The following NKX2-4 variants were observed in gnomAD, a reference collection of about 807,000 sequenced individuals.
NKX2-4 encodes the protein NK2 homeobox 4, also known as homeobox protein Nkx-2.4.
Under a neutral mutation model 8.6 loss-of-function variants are expected in NKX2-4, and 6 were observed. The observed-to-expected ratio is 0.70, with a 90% CI of 0.38 to 1.38. The LOEUF is 1.38. Ranked by LOEUF, NKX2-4 falls within the 40% of genes most tolerant of loss-of-function variation. NKX2-4 has a pLI of 0.02. For synonymous variants in NKX2-4, 299 were observed against 272.6 expected, an observed-to-expected ratio of 1.10 and a Z score of -0.95; for missense variants, 601 against 548.4, an observed-to-expected ratio of 1.10 and a Z score of -0.96.
chr20:21,396,187 G>A lies in NKX2-4; in HGVS notation c.789C>T (p.Gly263=), dbSNP rs1451738409. The A allele has an allele frequency of 2.0e-6, 3 of 1,528,860 alleles. No individual in the cohort carries two copies. Among genetic ancestry groups the A allele is most frequent in the Non-Finnish European group, 2.6e-6 (3 of 1,141,410 alleles). 94.7% of individuals were successfully genotyped at this position (1,528,860 alleles called of 1,614,324 possible). A position where few individuals can be genotyped will look rare whatever the true frequency, so the allele number is the denominator to read the frequency against. ...GGGACGGCGGCGGAGGCGGCGGCGG[G>A]CCCAGGCCGCCCTCCTGCTGCAGCT... The part of the protein sequence containing the change: ...AQQLQQEGGL[G]PPPPPPPSPR... The change falls in exon 2 of 2, where the codon GGC becomes GGT. Residue 263 remains glycine, a synonymous_variant. Transcript: ENST00000351817.
At chr20:21,396,581 G>A (rs879444172) in intron 1 of NKX2-4, 48 bp from the exon 2 acceptor site, 31 of 1,341,854 alleles carry the variant, frequency 2.3e-5, no homozygotes, top group African/African-American at 1.7e-4. Flanking sequence ...CAGGCCCGCC[G>A]GGAGCCGGTC....
rs1280888616 is a variant in NKX2-4, at chr20:21,396,180, G to C, written c.796C>G (p.Pro266Ala). ...LQQEGGLGPP[P>A]PPPPSPRRVA... is the part of the protein sequence containing the mutation. ...CGGCGCGGGGACGGCGGCGGAGGCG[G>C]CGGCGGGCCCAGGCCGCCCTCCTGC... is the stretch of plus-strand genomic sequence containing the variant. Residue 266 changes from proline (P) to alanine (A), a missense_variant, in exon 2 of 2, where the codon CCG (proline) becomes GCG (alanine). Coordinates refer to ENST00000351817, the MANE Select transcript of NKX2-4 (RefSeq NM_033176.2). The C allele has an allele frequency of 2.1e-5, 31 of 1,506,064 alleles. No homozygotes were observed. Among genetic ancestry groups the C allele is most frequent in the Non-Finnish European group, 2.7e-5 (31 of 1,131,904 alleles). 93.3% of individuals were successfully genotyped at this position (1,506,064 alleles called of 1,614,324 possible). A position where few individuals can be genotyped will look rare whatever the true frequency, so the allele number is the denominator to read the frequency against.
Position 21,397,363 on chromosome 20 carries a change from C to T in NKX2-4, c.37G>A (p.Val13Met). 2 of 1,447,188 alleles carry T rather than the reference C, an allele frequency of 1.4e-6. No homozygotes were observed. Among genetic ancestry groups the T allele is most frequent in the African/African-American group, 1.5e-5 (1 of 68,426 alleles). The allele number at this position is 1,447,188 out of a possible 1,614,324, so 89.6% of individuals were successfully genotyped here. A position where few individuals can be genotyped will look rare whatever the true frequency, so the allele number is the denominator to read the frequency against. Residue 13 changes from valine (V) to methionine (M), a missense_variant, in exon 1 of 2, where the codon GTG (valine) becomes ATG (methionine). By Grantham distance (21) the Val-to-Met change is conservative (BLOSUM62 1). Transcript: ENST00000351817. ...LSPKHTTPFS[V>M]SDILSPIEET... ...TCGATGGGGCTCAGGATGTCGGACA[C>T]GGAGAAGGGCGTCGTGTGCTTTGGG...
rs1273865024 is a variant in NKX2-4, at chr20:21,397,039, G to A, written c.361C>T (p.Leu121=). The A allele has an allele frequency of 2.8e-6, 4 of 1,449,064 alleles. No individual in the cohort carries two copies. Among genetic ancestry groups the A allele is most frequent in the Admixed American group, 4.8e-5 (2 of 41,854 alleles). 89.8% of individuals were successfully genotyped at this position (1,449,064 alleles called of 1,614,324 possible). Residue 121 remains leucine (L), a synonymous_variant, in exon 1 of 2, where the codon CTG becomes TTG. Coordinates refer to ENST00000351817, the MANE Select transcript of NKX2-4 (RefSeq NM_033176.2). ...CGCATGCCGTCCGTGTAGGCGGGCA[G>A]CTCGCCCATGTTGCCCAGGCCGCCG... ...CNGGLGNMGE[L]PAYTDGMRGG...
In NKX2-4 at chr20:21,397,130, GGCCGCCGCCGCCGCAGCTGCTGCC is replaced by G. The variant is rs773781746; in HGVS notation, c.246_269del (p.Ala84_Ala91del). ...CGCCGGGCGGCATGTGGTAGGTGGC[GGCCGCCGCCGCCGCAGCTGCTGCC>G]GCCGCCGCCGCGGCCGCCGCGTTGT... On this transcript the variant is annotated inframe_deletion, in exon 1 of 2. Transcript: ENST00000351817. 16 of 1,283,550 alleles carry G rather than the reference GGCCGCCGCCGCCGCAGCTGCTGCC, an allele frequency of 1.2e-5. No homozygotes were observed. Among genetic ancestry groups the G allele is most frequent in the Admixed American group, 4.2e-5 (1 of 23,758 alleles). The allele number at this position is 1,283,550 out of a possible 1,614,324, so 79.5% of individuals were successfully genotyped here. A position where few individuals can be genotyped will look rare whatever the true frequency, so the allele number is the denominator to read the frequency against.
Position 21,397,142 on chromosome 20 carries a change from C to A in NKX2-4, c.258G>T (p.Ala86=). 1 of 1,274,042 alleles carries A rather than the reference C, an allele frequency of 7.8e-7. No individual in the cohort carries two copies. The highest frequency in any genetic ancestry group is 9.8e-7 in the Non-Finnish European group (1 of 1,016,830). The allele number at this position is 1,274,042 out of a possible 1,614,324, so 78.9% of individuals were successfully genotyped here. A position where few individuals can be genotyped will look rare whatever the true frequency, so the allele number is the denominator to read the frequency against. The stretch of plus-strand genomic sequence containing the variant: ...TGTGGTAGGTGGCGGCCGCCGCCGC[C>A]GCAGCTGCTGCCGCCGCCGCCGCGG... ...AAAAAAAAAA[A]AAAAATYHMP... Residue 86 remains alanine (A), a synonymous_variant, in exon 1 of 2, where the codon GCG becomes GCT. Coordinates refer to ENST00000351817, the MANE Select transcript of NKX2-4 (RefSeq NM_033176.2).
At position 21,396,286 on chromosome 20, in the gene NKX2-4, G is replaced by A. The variant is rs1389832392; in HGVS notation, c.690C>T (p.Pro230=). 1 of 1,605,940 alleles carries A rather than the reference G, an allele frequency of 6.2e-7. No homozygotes were observed. Among genetic ancestry groups the A allele is most frequent in the Non-Finnish European group, 8.5e-7 (1 of 1,177,266 alleles). ...EHLASMIHLT[P]TQVKIWFQNH... is the part of the protein sequence containing the mutation. ...TCTGGAACCAGATCTTGACCTGCGT[G>A]GGCGTCAGGTGGATCATGCTGGCCA... The change falls in exon 2 of 2, where the codon CCC becomes CCT. Residue 230 remains proline, a synonymous_variant. Coordinates refer to ENST00000351817, the MANE Select transcript of NKX2-4 (RefSeq NM_033176.2).
chr20:21,395,790 T>G lies in NKX2-4; in HGVS notation c.*121A>C. On this transcript the variant is annotated 3_prime_UTR_variant, in exon 2 of 2. Transcript: ENST00000351817. Reference sequence around the variant, plus strand: ...ACAGCCTGCTCCTCTCTGAGACCGGTTCGTTTTGAATCGCAGTTTACACGC... The same window carrying G: ...ACAGCCTGCTCCTCTCTGAGACCGGGTCGTTTTGAATCGCAGTTTACACGC... The G allele has an allele frequency of 2.5e-5, 20 of 803,916 alleles. No homozygotes were observed. The highest frequency in any genetic ancestry group is 9.8e-5 in the South Asian group (2 of 20,324). 49.8% of individuals were successfully genotyped at this position (803,916 alleles called of 1,614,324 possible). A position where few individuals can be genotyped will look rare whatever the true frequency, so the allele number is the denominator to read the frequency against.
rs753099139 is a variant in NKX2-4, at chr20:21,396,331, C to T, written c.645G>A (p.Ser215=). The change falls in exon 2 of 2, where the codon TCG becomes TCA. Residue 215 remains serine, a synonymous_variant. Transcript: ENST00000351817. ...TGGCCAGGTGCTCGCGCTCGGGCGC[C>T]GACAGGTACTTCTGCTGCTTGAAGC... ...ERRFKQQKYL[S]APEREHLASM... is the part of the protein sequence containing the mutation. 7 of 1,603,204 alleles carry T rather than the reference C, an allele frequency of 4.4e-6. No homozygotes were observed. The African/African-American group carries it at 6.8e-5, about 16-fold the overall frequency.
At position 21,395,950 on chromosome 20, in the gene NKX2-4, G is replaced by C. The variant is rs1284592688; in HGVS notation, c.1026C>G (p.Gly342=). The C allele has an allele frequency of 7.5e-7, 1 of 1,334,278 alleles. No homozygotes were observed. Among genetic ancestry groups the C allele is most frequent in the Non-Finnish European group, 9.6e-7 (1 of 1,040,974 alleles). 82.7% of individuals were successfully genotyped at this position (1,334,278 alleles called of 1,614,324 possible). The change falls in exon 2 of 2, where the codon GGC becomes GGG. Residue 342 remains glycine, a synonymous_variant. Coordinates refer to ENST00000351817, the MANE Select transcript of NKX2-4 (RefSeq NM_033176.2). The part of the protein sequence containing the change: ...LDAAAGEYSG[G]VLGANLLYGR... ...CATAGAGCAGGTTGGCGCCCAGGAC[G>C]CCGCCGCTGTACTCCCCGGCGGCCG... is the stretch of plus-strand genomic sequence containing the variant.
rs200359338 is a variant in NKX2-4 at position 21,397,405 on chromosome 20, G to T, written c.-6C>A. The T allele has an allele frequency of 3.7e-4, 507 of 1,378,612 alleles. 1 individual carries two copies. The African/African-American group carries it at 6.9e-3, about 19-fold the overall frequency. 85.4% of individuals were successfully genotyped at this position (1,378,612 alleles called of 1,614,324 possible). ...TGCTTTGGGCTCAACGACATGGCTC[G>T]GCGGGCAGCCAGGTAGGGGGGCCTG... On this transcript the variant is annotated 5_prime_UTR_variant, in exon 1 of 2. Transcript: ENST00000351817.
chr20:21,395,928 A>T lies in NKX2-4; in HGVS notation c.1048T>A (p.Tyr350Asn). The change falls in exon 2 of 2, where the codon TAT (tyrosine) becomes AAT (asparagine). Residue 350 changes from tyrosine (Y) to asparagine (N), a missense_variant. Transcript: ENST00000351817. ...CCTCGCTGTCACCACGTCCTGCCAT[A>T]GAGCAGGTTGGCGCCCAGGACGCCG... ...SGGVLGANLL[Y>N]GRTW 1.5e-6 allele frequency: 2 copies of T among 1,337,352 alleles called. No individual in the cohort carries two copies. Among genetic ancestry groups the T allele is most frequent in the Non-Finnish European group, 1.9e-6 (2 of 1,042,084 alleles). 82.8% of individuals were successfully genotyped at this position (1,337,352 alleles called of 1,614,324 possible).
rs562281925 is a variant in NKX2-4 at position 21,397,483 on chromosome 20, G to C, written c.-84C>G. On this transcript the variant is annotated 5_prime_UTR_variant, in exon 1 of 2. Transcript: ENST00000351817. The stretch of plus-strand genomic sequence containing the variant: ...CGCTCGTCGCCGCCACCTCGGCCGC[G>C]GCAGCTGAGCCTGTGACGAGGAGTC... 9.0e-6 allele frequency: 11 copies of C among 1,225,110 alleles called. No homozygotes were observed. In the Admixed American group the frequency reaches 2.2e-4, roughly 25 times the overall value. 75.9% of individuals were successfully genotyped at this position (1,225,110 alleles called of 1,614,324 possible).
In NKX2-4 at chr20:21,395,731, G is replaced by C; in HGVS notation, c.*180C>G. 4.7e-6 allele frequency: 2 copies of C among 427,834 alleles called. No homozygotes were observed. The highest frequency in any genetic ancestry group is 7.8e-6 in the Non-Finnish European group (2 of 256,686). The allele number at this position is 427,834 out of a possible 1,614,324, so 26.5% of individuals were successfully genotyped here. ...TAATGTTACACTACTCGGTTTCCGG[G>C]CTGTCGCTGTCCCCCGCCCCCAGCA... On this transcript the variant is annotated 3_prime_UTR_variant, in exon 2 of 2. Coordinates refer to ENST00000351817, the MANE Select transcript of NKX2-4 (RefSeq NM_033176.2).
chr20:21,396,891 C>T, intron 1 of NKX2-4, 67 bp downstream of exon 1: 1 of 1,264,968 alleles, frequency 7.9e-7, no homozygotes, highest in Non-Finnish European at 1.0e-6. Context: ...CCCGCGCCCC[C>T]GCGCCCCTCG....
In NKX2-4 at chr20:21,395,920, C is replaced by A. The variant is rs1370389609; in HGVS notation, c.1056G>T (p.Arg352Ser). The A allele has an allele frequency of 2.4e-5, 32 of 1,333,120 alleles. No individual in the cohort carries two copies. Among genetic ancestry groups the A allele is most frequent in the Non-Finnish European group, 2.9e-5 (30 of 1,039,522 alleles). The allele number at this position is 1,333,120 out of a possible 1,614,324, so 82.6% of individuals were successfully genotyped here. A position where few individuals can be genotyped will look rare whatever the true frequency, so the allele number is the denominator to read the frequency against. Residue 352 changes from arginine (R) to serine (S), a missense_variant, in exon 2 of 2, where the codon AGG becomes AGT. Transcript: ENST00000351817. ...GVLGANLLYG[R>S]TW ...CGGGGCGCCCTCGCTGTCACCACGTCCTGCCATAGAGCAGGTTGGCGCCCA... is the reference window on the plus strand; with the variant it reads ...CGGGGCGCCCTCGCTGTCACCACGTACTGCCATAGAGCAGGTTGGCGCCCA...
intron 1 of NKX2-4, 41 bp downstream of exon 1, chr20:21,396,917 G>C (rs1368026064): frequency 7.5e-7 from 1 of 1,339,948 alleles, no homozygotes; most frequent in Non-Finnish European, 9.6e-7. Context: ...GGCGGGAAAC[G>C]CCTGAGCCGC....
Position 21,397,443 on chromosome 20 carries a change from G to T in NKX2-4, c.-44C>A. ...GTAGGGGGGCCTGGGGCGCGCGCCGGCAGGACGCGGCGGCCGCTCGTCGCC... is the reference window on the plus strand; with the variant it reads ...GTAGGGGGGCCTGGGGCGCGCGCCGTCAGGACGCGGCGGCCGCTCGTCGCC... On this transcript the variant is annotated 5_prime_UTR_variant, in exon 1 of 2. Coordinates refer to ENST00000351817, the MANE Select transcript of NKX2-4 (RefSeq NM_033176.2). 7.9e-7 allele frequency: 1 copy of T among 1,267,836 alleles called. No individual in the cohort carries two copies. The highest frequency in any genetic ancestry group is 9.9e-7 in the Non-Finnish European group (1 of 1,011,252). 78.5% of individuals were successfully genotyped at this position (1,267,836 alleles called of 1,614,324 possible).
At position 21,397,339 on chromosome 20, in the gene NKX2-4, C is replaced by T; in HGVS notation, c.61G>A (p.Glu21Lys). The T allele has an allele frequency of 1.4e-6, 2 of 1,436,746 alleles. No individual in the cohort carries two copies. The highest frequency in any genetic ancestry group is 2.9e-5 in the East Asian group (1 of 34,614). The allele number at this position is 1,436,746 out of a possible 1,614,324, so 89.0% of individuals were successfully genotyped here. Reference protein sequence around the residue: ...FSVSDILSPIEETYKKFSGAM... With the variant: ...FSVSDILSPIKETYKKFSGAM... The stretch of plus-strand genomic sequence containing the variant: ...CCGCTGAACTTCTTGTAGGTCTCCT[C>T]GATGGGGCTCAGGATGTCGGACACG... Residue 21 changes from glutamate (E) to lysine (K), a missense_variant, in exon 1 of 2, where the codon GAG (glutamate) becomes AAG (lysine). Glu to Lys is a moderately conservative substitution (Grantham distance 56). Coordinates refer to ENST00000351817, the MANE Select transcript of NKX2-4 (RefSeq NM_033176.2).
Sources: allele counts gnomAD v4.1 joint callset, GRCh38; gene constraint gnomAD v4.1.1; transcripts MANE v1.5; gene names NCBI Gene and HGNC (gene_info 2026-07-23, HGNC 2026-07-21).